The following EMC2 variants were observed in gnomAD, a reference collection of about 807,000 sequenced individuals.
EMC2 encodes ER membrane protein complex subunit 2.
A neutral mutation model predicts 51.6 loss-of-function variants in EMC2; 37 were observed. The ratio of observed to expected loss-of-function variants is 0.72; its 90% CI spans 0.55 to 0.94. The LOEUF (loss-of-function observed/expected upper bound fraction) is 0.94. Among genes scored for constraint, EMC2 ranks in the 40% least tolerant of loss-of-function variants. The pLI, the probability that EMC2 is intolerant of heterozygous loss-of-function variation, is 0.00. For missense variants in EMC2, 359 were observed against 350.9 expected (o/e 1.02, Z -0.18); for synonymous variants, 131 against 112.4 (o/e 1.17, Z -1.04).
intron 5 of EMC2, among the ~76,000 whole-genome samples, chr8:108,463,437 G>A (rs1376981237): frequency 1.3e-5 from 2 of 151,704 alleles, no homozygotes; most frequent in Non-Finnish European, 2.9e-5. Context: ...TTCATACTTT[G>A]AATCTTCCTT....
At chr8:108,454,612 T>G (rs1458190068) in intron 4 of EMC2, among the ~76,000 whole-genome samples, 4 of 152,148 alleles carry the variant, frequency 2.6e-5, no homozygotes, top group Non-Finnish European at 5.9e-5. Flanking sequence ...TGTTATCTGA[T>G]CGATTAAGAA....
intron 5 of EMC2, among the ~76,000 whole-genome samples, chr8:108,460,795 G>A (rs1433459230): frequency 6.6e-6 from 1 of 152,184 alleles, no homozygotes; most frequent in African/African-American, 2.4e-5. Context: ...TAGCGGTTAG[G>A]TAAACATTCG....
rs78924079 is a variant in EMC2 at position 108,447,778 on chromosome 8, A to G, written c.41-2045A>G. Among the ~76,000 whole-genome samples, 27 of 152,240 alleles carry G rather than the reference A, an allele frequency of 1.8e-4. No homozygotes were observed. In the East Asian group the frequency reaches 4.6e-3, roughly 26 times the overall value. On this transcript the variant is annotated intron_variant, in intron 1 of 10. Transcript: ENST00000220853. ...AGCAAGCAGTGAGAAGCTTACTTAC[A>G]TAGTATGTAATAAAATGACCTTGGC...
chr8:108,469,519 G>A (rs955779877), intron 5 of EMC2, among the ~76,000 whole-genome samples: 1 of 152,066 alleles, frequency 6.6e-6, no homozygotes, highest in African/African-American at 2.4e-5. Context: ...AGAGTAAAGG[G>A]CTTTAAGTTG....
At chr8:108,462,521 A>G (rs1819354789) in intron 5 of EMC2, among the ~76,000 whole-genome samples, 1 of 152,136 alleles carries the variant, frequency 6.6e-6, no homozygotes, top group Admixed American at 6.5e-5. Flanking sequence ...CAGGAGGTCC[A>G]TGGATTTTAA....
chr8:108,486,734 T>A lies in EMC2; in HGVS notation c.*136T>A. Reference sequence around the variant, plus strand: ...GTTAAGAAGGCAGTTGTAAAGAATGTGTTTATATAAACCTAAAAATGCCTT... The same window carrying A: ...GTTAAGAAGGCAGTTGTAAAGAATGAGTTTATATAAACCTAAAAATGCCTT... On this transcript the variant is annotated 3_prime_UTR_variant, in exon 11 of 11. Transcript: ENST00000220853. The A allele has an allele frequency of 1.2e-5, 11 of 921,358 alleles. No individual in the cohort carries two copies. Among genetic ancestry groups the A allele is most frequent in the Non-Finnish European group, 1.7e-5 (11 of 658,586 alleles). 57.1% of individuals were successfully genotyped at this position (921,358 alleles called of 1,614,324 possible).
chr8:108,462,601 T>C (rs994725984), intron 5 of EMC2, among the ~76,000 whole-genome samples: 1 of 152,196 alleles, frequency 6.6e-6, no homozygotes, highest in African/African-American at 2.4e-5. Flanking sequence ...TTCTGTGGCA[T>C]ATGAGAGTGC....
rs943754452 is a variant in EMC2 at position 108,486,575 on chromosome 8, A to G, written c.871A>G (p.Thr291Ala). Reference sequence around the variant, plus strand: ...TAAGGCTGTCGAAGACATGTTGGAAACATTGCAGATCACCCAGTCTTAAGG... The same window carrying G: ...TAAGGCTGTCGAAGACATGTTGGAAGCATTGCAGATCACCCAGTCTTAAGG... ...SLKAVEDMLETLQITQS is the reference protein window; with the variant it reads ...SLKAVEDMLEALQITQS The change falls in exon 11 of 11, where the codon ACA (threonine) becomes GCA (alanine). Residue 291 changes from threonine (T) to alanine (A), a missense_variant. Transcript: ENST00000220853. The G allele has an allele frequency of 5.0e-6, 8 of 1,606,752 alleles. No individual in the cohort carries two copies. Among genetic ancestry groups the G allele is most frequent in the African/African-American group, 4.0e-5 (3 of 74,358 alleles).
rs1460678308 is a variant in EMC2, at chr8:108,486,738, T to G, written c.*140T>G. The G allele has an allele frequency of 2.4e-5, 21 of 860,118 alleles. No homozygotes were observed. In the Admixed American group the frequency reaches 7.8e-4, roughly 32 times the overall value. The allele number at this position is 860,118 out of a possible 1,614,324, so 53.3% of individuals were successfully genotyped here. A position where few individuals can be genotyped will look rare whatever the true frequency, so the allele number is the denominator to read the frequency against. On this transcript the variant is annotated 3_prime_UTR_variant, in exon 11 of 11. Transcript: ENST00000220853. ...AGAAGGCAGTTGTAAAGAATGTGTT[T>G]ATATAAACCTAAAAATGCCTTTTAC... is the stretch of plus-strand genomic sequence containing the variant.
At chr8:108,464,312 A>T (rs1004583684) in intron 5 of EMC2, among the ~76,000 whole-genome samples, 2 of 152,192 alleles carry the variant, frequency 1.3e-5, no homozygotes, top group Non-Finnish European at 2.9e-5. Flanking sequence ...GAGATTCTTT[A>T]AAAAAGGTAA....
Position 108,453,049 on chromosome 8 carries a change from C to G in EMC2, c.220-13C>G. Reference sequence around the variant, plus strand: ...TAAATAATGTAATTACTACTCAACCCTTATTTTTTCAGTTTTGTCTTCAAG... The same window carrying G: ...TAAATAATGTAATTACTACTCAACCGTTATTTTTTCAGTTTTGTCTTCAAG... On this transcript the variant is annotated splice_polypyrimidine_tract_variant and intron_variant, in intron 3 of 10. Transcript: ENST00000220853. 2 of 1,545,386 alleles carry G rather than the reference C, an allele frequency of 1.3e-6. No individual in the cohort carries two copies. Among genetic ancestry groups the G allele is most frequent in the Non-Finnish European group, 1.8e-6 (2 of 1,129,322 alleles).
chr8:108,460,079 G>T (rs1176603121), intron 5 of EMC2, among the ~76,000 whole-genome samples: 3 of 152,004 alleles, frequency 2.0e-5, no homozygotes, highest in Admixed American at 1.3e-4. Context: ...TGGTTTCAAA[G>T]ATACTCATTT....
At position 108,443,753 on chromosome 8, in the gene EMC2, G is replaced by GGGA. The variant is rs1293327179; in HGVS notation, c.40+57_40+59dup. 8.7e-6 allele frequency: 13 copies of GGGA among 1,487,930 alleles called. No homozygotes were observed. In the East Asian group the frequency reaches 2.6e-4, roughly 30 times the overall value. 92.2% of individuals were successfully genotyped at this position (1,487,930 alleles called of 1,614,324 possible). A position where few individuals can be genotyped will look rare whatever the true frequency, so the allele number is the denominator to read the frequency against. On this transcript the variant is annotated intron_variant, in intron 1 of 10. Coordinates refer to ENST00000220853, the MANE Select transcript of EMC2 (RefSeq NM_014673.5). ...GACTAAAAGCGCTGGGAAGCCGTTC[G>GGGA]GGAGTACCCGCTGCTTTCGGGGAGC...
chr8:108,459,286 C>T (rs2199896), intron 5 of EMC2, among the ~76,000 whole-genome samples: 25,429 of 152,132 alleles, frequency 0.17, 3,798 homozygotes, highest in African/African-American at 0.4. Flanking sequence ...AAAGTTGCTT[C>T]CACATTTTCA....
chr8:108,486,694 C>A lies in EMC2; in HGVS notation c.*96C>A. The A allele has an allele frequency of 1.6e-6, 2 of 1,214,612 alleles. No individual in the cohort carries two copies. The highest frequency in any genetic ancestry group is 2.2e-6 in the Non-Finnish European group (2 of 901,674). 75.2% of individuals were successfully genotyped at this position (1,214,612 alleles called of 1,614,324 possible). The stretch of plus-strand genomic sequence containing the variant: ...CTAAATGCTCAGTGCTATTTATATA[C>A]TACAGTAATTTTCTGTTAAGAAGGC... On this transcript the variant is annotated 3_prime_UTR_variant, in exon 11 of 11. Coordinates refer to ENST00000220853, the MANE Select transcript of EMC2 (RefSeq NM_014673.5).
chr8:108,443,715 G>A lies in EMC2; in HGVS notation c.40+17G>A, dbSNP rs371481570. On this transcript the variant is annotated intron_variant, in intron 1 of 10. Transcript: ENST00000220853. ...CTTGGGAAGGTAACTTCGGGTGGGG[G>A]CGGGTGCGGAAAGACTAAAAGCGCT... 22 of 1,603,176 alleles carry A rather than the reference G, an allele frequency of 1.4e-5. No individual in the cohort carries two copies. The South Asian group carries it at 2.4e-4, about 17-fold the overall frequency.
Position 108,475,954 on chromosome 8 carries a change from G to T in EMC2, c.582G>T (p.Gln194His). Reference protein sequence around the residue: ...TNPHNHLYCQQYAEVKYTQGG... With the variant: ...TNPHNHLYCQHYAEVKYTQGG... ...CACACAACCACTTATACTGTCAGCA[G>T]TATGCTGAAGTAAGTGTTTTCAGAA... Residue 194 changes from glutamine (Q) to histidine (H), a missense_variant, in exon 8 of 11, where the codon CAG becomes CAT. Transcript: ENST00000220853. The T allele has an allele frequency of 6.4e-7, 1 of 1,561,420 alleles. No individual in the cohort carries two copies. The highest frequency in any genetic ancestry group is 8.7e-7 in the Non-Finnish European group (1 of 1,147,618).
At chr8:108,483,172 T>G (rs1199836450) in intron 10 of EMC2, among the ~76,000 whole-genome samples, 1 of 152,194 alleles carries the variant, frequency 6.6e-6, no homozygotes, top group Non-Finnish European at 1.5e-5. Flanking sequence ...ATTAAAGAAA[T>G]TAAAACATAA....
chr8:108,475,820 G>T, intron 7 of EMC2, 62 bp from the exon 8 acceptor site: 1 of 902,454 alleles, frequency 1.1e-6, no homozygotes, highest in Non-Finnish European at 1.8e-6. Context: ...TTATTTCAAG[G>T]TTTAACTAAG....
Sources: allele counts gnomAD v4.1 joint callset (sites outside exome capture counted in the v4.1 genomes callset), GRCh38; gene constraint gnomAD v4.1.1; transcripts MANE v1.5; gene names NCBI Gene and HGNC (gene_info 2026-07-23, HGNC 2026-07-21).